The following PCDHA13 variants were observed in gnomAD, a reference collection of about 807,000 sequenced individuals.
PCDHA13 encodes protocadherin alpha-13.
A neutral mutation model predicts 64.8 loss-of-function variants in PCDHA13; 54 were observed. The observed-to-expected ratio is 0.83, with a 90% CI of 0.67 to 1.04. The LOEUF is 1.04. Among genes scored for constraint, PCDHA13 ranks in the 50% least tolerant of loss-of-function variants. PCDHA13 has a pLI of 0.00. For missense variants in PCDHA13, 1,248 were observed against 1,254.3 expected (o/e 0.99, Z 0.08); for synonymous variants, 587 against 564.4 (o/e 1.04, Z -0.57).
intron 1 of PCDHA13, among the ~76,000 whole-genome samples, chr5:140,937,385 T>G (rs1022137225): frequency 2.6e-5 from 4 of 152,170 alleles, no homozygotes; most frequent in Admixed American, 2.6e-4. Flanking sequence ...TGTGTGTATG[T>G]GTATATAGGG....
chr5:140,926,762 C>A (rs1186997274), intron 1 of PCDHA13: 5 of 1,326,554 alleles, frequency 3.8e-6, no homozygotes, highest in East Asian at 2.8e-5. Context: ...CGCTGAGTAT[C>A]CAGCCCGCAG....
Position 140,884,562 on chromosome 5 carries a change from A to G in PCDHA13, c.2294A>G (p.His765Arg), listed in dbSNP as rs782650365. Residue 765 changes from histidine to arginine, a missense_variant, in exon 1 of 4, where the codon CAT becomes CGT. Physicochemically the swap from His to Arg is conservative, Grantham distance 29. Coordinates refer to ENST00000289272, the MANE Select transcript of PCDHA13 (RefSeq NM_018904.3). ...RPRVCSGEGP[H>R]KTDLMAFSPS... ...AGGGTGTGCTCTGGGGAGGGCCCGC[A>G]TAAGACGGACCTCATGGCCTTCAGT... 5 of 1,614,166 alleles carry G rather than the reference A, an allele frequency of 3.1e-6. No homozygotes were observed. Among genetic ancestry groups the G allele is most frequent in the Admixed American group, 1.7e-5 (1 of 59,998 alleles).
At position 140,928,087 on chromosome 5, in the gene PCDHA13, A is replaced by T. The variant is rs1554205462; in HGVS notation, c.2394+43425A>T. On this transcript the variant is annotated intron_variant, in intron 1 of 3. Coordinates refer to ENST00000289272, the MANE Select transcript of PCDHA13 (RefSeq NM_018904.3). The stretch of plus-strand genomic sequence containing the variant: ...CTTTGACAACTACTACAGCCTGCTG[A>T]TTGATGGGCCCCTGGACCGGGAGCA... 3.1e-6 allele frequency: 5 copies of T among 1,614,022 alleles called. No individual in the cohort carries two copies. In the African/African-American group the frequency reaches 5.3e-5, roughly 17 times the overall value.
At chr5:140,928,594 GAA>G in intron 1 of PCDHA13, 2 of 1,614,204 alleles carry the variant, frequency 1.2e-6, no homozygotes, top group Non-Finnish European at 1.7e-6. Flanking sequence ...TGTCCCAGTG[GAA>G]ATTGTGCCCC....
At chr5:140,892,011 A>G (rs1001369849) in intron 1 of PCDHA13, among the ~76,000 whole-genome samples, 10 of 152,244 alleles carry the variant, frequency 6.6e-5, no homozygotes, top group African/African-American at 2.4e-4. Flanking sequence ...CTGTTATAGC[A>G]GCACAAATGG....
At chr5:140,925,108 G>GGAAGGAA (rs1554202548) in intron 1 of PCDHA13, among the ~76,000 whole-genome samples, 42 of 124,700 alleles carry the variant, frequency 3.4e-4, no homozygotes, top group African/African-American at 1.4e-3. Context: ...GAAGGAAGGA[G>GGAAGGAA]GGAAGGAAGG....
intron 1 of PCDHA13, among the ~76,000 whole-genome samples, chr5:140,886,847 A>AT (rs2061191950): frequency 6.6e-6 from 1 of 151,038 alleles, no homozygotes; most frequent in Non-Finnish European, 1.5e-5. Flanking sequence ...AAAAAAAAAA[A>AT]GAAAGGTCTT....
intron 1 of PCDHA13, among the ~76,000 whole-genome samples, chr5:140,950,257 G>A (rs1255968081): frequency 6.6e-6 from 1 of 151,952 alleles, no homozygotes; most frequent in Non-Finnish European, 1.5e-5. Context: ...AAAGAGCTGA[G>A]TTTATCCATA....
intron 1 of PCDHA13, among the ~76,000 whole-genome samples, chr5:140,975,611 A>C (rs191363875): frequency 7.0e-4 from 106 of 152,356 alleles, no homozygotes; most frequent in African/African-American, 2.4e-3. Flanking sequence ...GATGTCTTCC[A>C]CATGGATTTC....
rs1400364790 is a variant in PCDHA13, at chr5:140,884,327, G to A, written c.2059G>A (p.Val687Met). ...QASSRASAGA[V>M]GPEAALVDVN... ...TTCGTCGAGGGCGTCGGCAGGCGCT[G>A]TGGGTCCAGAAGCGGCGCTGGTGGA... The change falls in exon 1 of 4, where the codon GTG (valine) becomes ATG (methionine). Residue 687 changes from valine to methionine, a missense_variant. Val to Met is a conservative substitution (Grantham distance 21). Transcript: ENST00000289272. 6.2e-7 allele frequency: 1 copy of A among 1,613,894 alleles called. No individual in the cohort carries two copies. Among genetic ancestry groups the A allele is most frequent in the Non-Finnish European group, 8.5e-7 (1 of 1,179,880 alleles).
intron 1 of PCDHA13, among the ~76,000 whole-genome samples, chr5:140,887,189 C>T (rs1268664594): frequency 6.6e-6 from 1 of 151,836 alleles, no homozygotes; most frequent in Non-Finnish European, 1.5e-5. Context: ...CTCCACCTCC[C>T]GGGTTCACGC....
Position 140,882,336 on chromosome 5 carries a change from C to T in PCDHA13, c.68C>T (p.Ala23Val). The change falls in exon 1 of 4, where the codon GCC (alanine) becomes GTC (valine). Residue 23 changes from alanine (A) to valine (V), a missense_variant. Physicochemically the swap from Ala to Val is moderately conservative, Grantham distance 64 (BLOSUM62 0). Coordinates refer to ENST00000289272, the MANE Select transcript of PCDHA13 (RefSeq NM_018904.3). ...CTGCTCTGGCTTCTGATCCTCGCAG[C>T]CTGGGAGACGGGTAGTGGCCAGCTC... ...QLLLWLLILA[A>V]WETGSGQLHY... is the part of the protein sequence containing the mutation. 6.2e-7 allele frequency: 1 copy of T among 1,614,162 alleles called. No individual in the cohort carries two copies. The highest frequency in any genetic ancestry group is 8.5e-7 in the Non-Finnish European group (1 of 1,180,016).
chr5:140,912,101 A>G (rs781989328), intron 1 of PCDHA13, among the ~76,000 whole-genome samples: 2 of 152,194 alleles, frequency 1.3e-5, no homozygotes, highest in Non-Finnish European at 2.9e-5. Context: ...CAGGAGAAAG[A>G]TGTAGGCTGG....
intron 1 of PCDHA13, among the ~76,000 whole-genome samples, chr5:140,897,367 T>C (rs1554187348): frequency 8.0e-6 from 1 of 125,642 alleles, no homozygotes; most frequent in East Asian, 2.4e-4. Flanking sequence ...CAGAGTGTGA[T>C]GTTCCCTTCC....
At chr5:140,890,374 A>G (rs1045149611) in intron 1 of PCDHA13, among the ~76,000 whole-genome samples, 1 of 152,000 alleles carries the variant, frequency 6.6e-6, no homozygotes, top group South Asian at 2.1e-4. Context: ...CTGAACAAGT[A>G]CTCTTTCTTA....
intron 1 of PCDHA13, among the ~76,000 whole-genome samples, chr5:140,901,988 T>C (rs892830479): frequency 6.6e-6 from 1 of 152,164 alleles, no homozygotes; most frequent in Admixed American, 6.6e-5. Context: ...TTTAATTTCA[T>C]TTTCAGATTG....
intron 3 of PCDHA13, among the ~76,000 whole-genome samples, chr5:140,997,970 G>A (rs2097791868): frequency 2.0e-5 from 3 of 152,106 alleles, no homozygotes; most frequent in Admixed American, 2.0e-4. Context: ...ACCTGTGGTT[G>A]GACTGCACTT....
At chr5:140,891,196 A>C (rs1043715116) in intron 1 of PCDHA13, among the ~76,000 whole-genome samples, 5 of 151,974 alleles carry the variant, frequency 3.3e-5, no homozygotes, top group Non-Finnish European at 7.4e-5. Context: ...GATATTTTGC[A>C]GTTTTACCAT....
intron 1 of PCDHA13, among the ~76,000 whole-genome samples, chr5:140,891,797 C>A (rs2063254101): frequency 6.6e-6 from 1 of 152,136 alleles, no homozygotes; most frequent in Non-Finnish European, 1.5e-5. Context: ...TATGAGGGAT[C>A]TGCCCTCATG....
Sources: gnomAD v4.1 joint callset for allele counts (sites outside exome capture counted in the v4.1 genomes callset) on GRCh38, gnomAD v4.1.1 for gene constraint, MANE v1.5 for transcripts, NCBI Gene and HGNC (gene_info 2026-07-23, HGNC 2026-07-21) for gene names.